The following PANK1 variants were observed in gnomAD, a reference collection of about 807,000 sequenced individuals.
The protein encoded by PANK1 is pantothenate kinase 1.
A neutral mutation model predicts 40.1 loss-of-function variants in PANK1; 18 were observed. The ratio of observed to expected loss-of-function variants is 0.45; its 90% CI spans 0.31 to 0.67. PANK1 has a LOEUF of 0.67. Ranked by LOEUF, PANK1 falls within the 30% of genes least tolerant of loss-of-function variation. PANK1 has a pLI of 0.06. For synonymous variants in PANK1, 242 were observed against 237.7 expected (o/e 1.02, Z -0.17); for missense variants, 457 against 599.6 (o/e 0.76, Z 2.48).
chr10:89,581,030 T>C (rs1232766933), downstream of PANK1: 1 of 151,784 alleles, frequency 6.6e-6, no homozygotes, highest in African/African-American at 2.4e-5. Flanking sequence ...ATATATTTAG[T>C]AATGTACCTG....
intron 1 of PANK1, chr10:89,639,274 C>G (rs1285240059): frequency 2.3e-6 from 1 of 438,986 alleles, no homozygotes; most frequent in East Asian, 7.0e-5. Context: ...GAACTTGCAG[C>G]CTCAAGTCCT....
chr10:89,610,170 T>C (rs1480535717), intron 2 of PANK1, among the ~76,000 whole-genome samples: 2 of 152,212 alleles, frequency 1.3e-5, no homozygotes, highest in African/African-American at 4.8e-5. Flanking sequence ...CAGAGGTCAC[T>C]TTCAGTTCTG....
intron 1 of PANK1, 82 bp downstream of exon 1, chr10:89,644,518 C>A (rs1190230657): frequency 1.6e-6 from 2 of 1,277,068 alleles, no homozygotes; most frequent in Non-Finnish European, 2.1e-6. Context: ...CGTGCTGCGG[C>A]GCCTGCCTCA....
intron 2 of PANK1, among the ~76,000 whole-genome samples, chr10:89,601,848 TATAGCAGGGC>T (rs879733366): frequency 6.6e-6 from 1 of 152,218 alleles, no homozygotes; most frequent in Admixed American, 6.5e-5. Flanking sequence ...CCTGAAAGAC[TATAGCAGGGC>T]ATAGCAGTGT....
intron 1 of PANK1, among the ~76,000 whole-genome samples, chr10:89,623,154 G>T (rs899430732): frequency 6.6e-6 from 1 of 152,124 alleles, no homozygotes; most frequent in Non-Finnish European, 1.5e-5. Flanking sequence ...TTAATAGCTG[G>T]ATCATGGATT....
chr10:89,584,229 T>C lies in PANK1; in HGVS notation c.*177A>G, dbSNP rs1844123086. On this transcript the variant is annotated 3_prime_UTR_variant, in exon 7 of 7. Coordinates refer to ENST00000307534, the MANE Select transcript of PANK1 (RefSeq NM_148977.3). ...TTTTATATTCCCCCGTTTTGAATCA[T>C]TAGCTCAAAACCTAAGAGTAAAAGA... 3 of 561,116 alleles carry C rather than the reference T, an allele frequency of 5.3e-6. No homozygotes were observed. The highest frequency in any genetic ancestry group is 5.7e-5 in the Admixed American group (2 of 35,286). The allele number at this position is 561,116 out of a possible 1,614,324, so 34.8% of individuals were successfully genotyped here. A position where few individuals can be genotyped will look rare whatever the true frequency, so the allele number is the denominator to read the frequency against.
intron 1 of PANK1, among the ~76,000 whole-genome samples, chr10:89,620,071 CGT>C (rs61090512): frequency 0.15 from 23,037 of 152,106 alleles, 2,179 homozygotes; most frequent in East Asian, 0.45. Flanking sequence ...ATTTCCTATG[CGT>C]CTTTAATCTC....
intron 2 of PANK1, among the ~76,000 whole-genome samples, chr10:89,603,924 T>C (rs1273237889): frequency 6.6e-6 from 1 of 152,198 alleles, no homozygotes; most frequent in Non-Finnish European, 1.5e-5. Context: ...CTCAGATTAA[T>C]AATAGGGACC....
Position 89,599,293 on chromosome 10 carries a change from G to A in PANK1, c.858C>T (p.Ala286=), listed in dbSNP as rs548944000. The change falls in exon 3 of 7, where the codon GCC becomes GCT. Residue 286 remains alanine (A), a synonymous_variant. Coordinates refer to ENST00000307534, the MANE Select transcript of PANK1 (RefSeq NM_148977.3). ...VNMGSGVSIL[A]VYSKDNYKRV... is the part of the protein sequence containing the mutation. ...TTTTATAGTTGTCCTTGGAGTACACGGCTAGAATGCTGACACCTGAGCCCA... is the reference window on the plus strand; with the variant it reads ...TTTTATAGTTGTCCTTGGAGTACACAGCTAGAATGCTGACACCTGAGCCCA... 132 of 1,613,858 alleles carry A rather than the reference G, an allele frequency of 8.2e-5. No individual in the cohort carries two copies. The highest frequency in any genetic ancestry group is 4.7e-4 in the Admixed American group (28 of 60,006).
chr10:89,610,719 A>G (rs373125748), intron 2 of PANK1, among the ~76,000 whole-genome samples: 8 of 152,348 alleles, frequency 5.3e-5, no homozygotes, highest in African/African-American at 1.9e-4. Flanking sequence ...AGTAATTTGT[A>G]CTACAGGCTT....
intron 1 of PANK1, among the ~76,000 whole-genome samples, chr10:89,642,936 A>T (rs1468220386): frequency 6.6e-6 from 1 of 152,182 alleles, no homozygotes; most frequent in Non-Finnish European, 1.5e-5. Context: ...AACCACTTTA[A>T]TTTCTGATAC....
chr10:89,580,743 A>G (rs1225476569), downstream of PANK1: 2 of 152,102 alleles, frequency 1.3e-5, no homozygotes, highest in African/African-American at 2.4e-5. Flanking sequence ...CCAACACTGC[A>G]TCTCCCACCA....
intron 3 of PANK1, 161 bp downstream of exon 3, chr10:89,599,091 C>T: frequency 1.6e-6 from 1 of 638,660 alleles, no homozygotes; most frequent in Non-Finnish European, 2.7e-6. Context: ...ATATAAATCA[C>T]CCACATACCA....
chr10:89,639,665 T>C (rs1178841209), intron 1 of PANK1, among the ~76,000 whole-genome samples: 1 of 152,188 alleles, frequency 6.6e-6, no homozygotes, highest in Non-Finnish European at 1.5e-5. Flanking sequence ...CACAGAACCC[T>C]ACCCACACTT....
intron 6 of PANK1, among the ~76,000 whole-genome samples, chr10:89,587,006 C>T (rs550304885): frequency 6.6e-6 from 1 of 152,136 alleles, no homozygotes; most frequent in African/African-American, 2.4e-5. Context: ...GTCTGTAATC[C>T]CAGCTACTTG....
intron 3 of PANK1, among the ~76,000 whole-genome samples, chr10:89,597,058 G>A (rs894099051): frequency 6.6e-6 from 1 of 152,114 alleles, no homozygotes; most frequent in Non-Finnish European, 1.5e-5. Flanking sequence ...ATCCTGTGTA[G>A]CTTCTTAAAA....
intron 1 of PANK1, among the ~76,000 whole-genome samples, chr10:89,629,480 T>C (rs1237554921): frequency 6.6e-6 from 1 of 152,238 alleles, no homozygotes; most frequent in African/African-American, 2.4e-5. Context: ...GGGCATAGTG[T>C]TCTTCCACAC....
Position 89,599,340 on chromosome 10 carries a change from A to T in PANK1, c.811T>A (p.Tyr271Asn). The T allele has an allele frequency of 6.2e-7, 1 of 1,612,730 alleles. No individual in the cohort carries two copies. The highest frequency in any genetic ancestry group is 8.5e-7 in the Non-Finnish European group (1 of 1,178,726). Residue 271 changes from tyrosine to asparagine, a missense_variant, in exon 3 of 7, where the codon TAC becomes AAC. Around this residue, in one of 4 missense-constraint regions of PANK1, gnomAD observed 286 missense variants for 415.8 expected, o/e 0.69. Coordinates refer to ENST00000307534, the MANE Select transcript of PANK1 (RefSeq NM_148977.3). ...QKKPYCLDNPYPMLLVNMGSG... is the reference protein window; with the variant it reads ...QKKPYCLDNPNPMLLVNMGSG... ...CCCATGTTAACCAGCAACATAGGGTATGGGTTATCAAGGCAGTACGGCTTT... is the reference window on the plus strand; with the variant it reads ...CCCATGTTAACCAGCAACATAGGGTTTGGGTTATCAAGGCAGTACGGCTTT...
rs1844102749 is a variant in PANK1, at chr10:89,583,664, T to C, written c.*742A>G. On this transcript the variant is annotated 3_prime_UTR_variant, in exon 7 of 7. Coordinates refer to ENST00000307534, the MANE Select transcript of PANK1 (RefSeq NM_148977.3). ...ACAAACTTGCATATAATTTGCAACT[T>C]TTGCCAGACTCATTAAATTCATTAA... The C allele has an allele frequency of 2.6e-5, 4 of 152,202 alleles. No individual in the cohort carries two copies. Among genetic ancestry groups the C allele is most frequent in the Admixed American group, 2.6e-4 (4 of 15,276 alleles). The allele number at this position is 152,202 out of a possible 1,614,324, so 9.4% of individuals were successfully genotyped here.
Sources: gnomAD v4.1 joint callset for allele counts (sites outside exome capture counted in the v4.1 genomes callset) on GRCh38, gnomAD v4.1.1 for gene constraint, gnomAD v4.1.1 regional missense constraint, MANE v1.5 for transcripts, NCBI Gene and HGNC (gene_info 2026-07-23, HGNC 2026-07-21) for gene names.